The following RAB8B variants were observed in gnomAD, a reference collection of about 807,000 sequenced individuals.
The protein encoded by RAB8B is RAB8B, member RAS oncogene family, also known as ras-related protein Rab-8B.
In RAB8B, 11 loss-of-function variants were observed where a neutral mutation model predicts 32.0. That is an observed-to-expected ratio of 0.34 (90% CI 0.22 to 0.57). RAB8B has a LOEUF of 0.57. Ranked by LOEUF, RAB8B falls within the 20% of genes least tolerant of loss-of-function variation. The pLI is 0.86. For synonymous variants in RAB8B, 103 were observed against 89.6 expected, an observed-to-expected ratio of 1.15 and a Z score of -0.85; for missense variants, 190 against 258.5, an observed-to-expected ratio of 0.73 and a Z score of 1.82.
At chr15:63,242,994 C>G (rs1022524412) in intron 1 of RAB8B, among the ~76,000 whole-genome samples, 1 of 152,182 alleles carries the variant, frequency 6.6e-6, no homozygotes, top group African/African-American at 2.4e-5. Context: ...GTAGAATCAG[C>G]GGGAGCTGTG....
intron 2 of RAB8B, among the ~76,000 whole-genome samples, chr15:63,246,319 C>T (rs2038071899): frequency 6.6e-6 from 1 of 152,130 alleles, no homozygotes; most frequent in Admixed American, 6.5e-5. Context: ...TTTGGATTTT[C>T]AGATTAGGGA....
At chr15:63,190,137 A>G (rs1458626292) in intron 1 of RAB8B, among the ~76,000 whole-genome samples, 1 of 149,622 alleles carries the variant, frequency 6.7e-6, no homozygotes, top group Non-Finnish European at 1.5e-5. Flanking sequence ...GCCAATGATT[A>G]AAAGACAGGA....
intron 1 of RAB8B, among the ~76,000 whole-genome samples, chr15:63,200,272 A>G (rs2141108908): frequency 6.6e-6 from 1 of 152,362 alleles, no homozygotes; most frequent in Non-Finnish European, 1.5e-5. Flanking sequence ...AAGAAGTAGC[A>G]TTAGTTAATT....
At chr15:63,198,838 G>T (rs952312506) in intron 1 of RAB8B, among the ~76,000 whole-genome samples, 1 of 152,086 alleles carries the variant, frequency 6.6e-6, no homozygotes, top group African/African-American at 2.4e-5. Context: ...ATCTGGAATG[G>T]ATATTGCAGC....
intron 1 of RAB8B, among the ~76,000 whole-genome samples, chr15:63,227,940 CTTTTCTTCCTTTTCTCTTTCCTTTT>C (rs1165731425): frequency 1.3e-5 from 2 of 150,886 alleles, no homozygotes; most frequent in East Asian, 3.9e-4. Flanking sequence ...CCTTTCCTTT[CTTTTCTTCCTTTTCTCTTTCCTTTT>C]CTTCCTTTCC....
At chr15:63,195,442 C>T (rs990044388) in intron 1 of RAB8B, among the ~76,000 whole-genome samples, 1 of 152,188 alleles carries the variant, frequency 6.6e-6, no homozygotes, top group African/African-American at 2.4e-5. Context: ...GTTCTGCAGG[C>T]AGCAAGTCAG....
At chr15:63,231,091 G>C (rs973829322) in intron 1 of RAB8B, among the ~76,000 whole-genome samples, 1 of 152,132 alleles carries the variant, frequency 6.6e-6, no homozygotes, top group African/African-American at 2.4e-5. Flanking sequence ...AGTGACTTGG[G>C]AATTTTCCTG....
At chr15:63,238,005 T>C (rs1254271580) in intron 1 of RAB8B, among the ~76,000 whole-genome samples, 1 of 152,132 alleles carries the variant, frequency 6.6e-6, no homozygotes, top group African/African-American at 2.4e-5. Context: ...TTTCCCCCAA[T>C]GTATGTACTT....
intron 1 of RAB8B, among the ~76,000 whole-genome samples, chr15:63,225,999 C>G (rs1182447780): frequency 6.6e-6 from 1 of 152,038 alleles, no homozygotes; most frequent in Admixed American, 6.6e-5. Flanking sequence ...TGCCACCATG[C>G]CTGGCTCATT....
chr15:63,213,235 C>A (rs2037761981), intron 1 of RAB8B, among the ~76,000 whole-genome samples: 1 of 152,194 alleles, frequency 6.6e-6, no homozygotes, highest in South Asian at 2.1e-4. Flanking sequence ...TTTCTGACTT[C>A]TTCCTTCAAA....
chr15:63,224,102 A>G (rs2037869965), intron 1 of RAB8B: 1 of 156,336 alleles, frequency 6.4e-6, no homozygotes, highest in Non-Finnish European at 1.4e-5. Flanking sequence ...TATTCAAGTG[A>G]TGCACGGAGC....
At chr15:63,218,771 A>G (rs1443492621) in intron 1 of RAB8B, among the ~76,000 whole-genome samples, 1 of 152,116 alleles carries the variant, frequency 6.6e-6, no homozygotes, top group African/African-American at 2.4e-5. Flanking sequence ...AATATTGGGC[A>G]TGTTGCTCAA....
intron 5 of RAB8B, among the ~76,000 whole-genome samples, chr15:63,257,227 T>C (rs887331092): frequency 2.0e-5 from 3 of 152,016 alleles, no homozygotes; most frequent in Non-Finnish European, 4.4e-5. Flanking sequence ...CTTTAGCCTT[T>C]AAAAAAATTA....
intron 1 of RAB8B, among the ~76,000 whole-genome samples, chr15:63,197,392 A>AGTGTTTTTTTTTTTTG (rs2037611982): frequency 9.8e-6 from 1 of 102,260 alleles, no homozygotes; most frequent in African/African-American, 4.0e-5. Context: ...TTTTTTTTTT[A>AGTGTTTTTTTTTTTTG]AGACAGAGTC....
At chr15:63,231,614 AATAATAGAGGTTC>A (rs2037937863) in intron 1 of RAB8B, among the ~76,000 whole-genome samples, 1 of 152,156 alleles carries the variant, frequency 6.6e-6, no homozygotes, top group Non-Finnish European at 1.5e-5. Flanking sequence ...AGGTTTAGGA[AATAATAGAGGTTC>A]ATACTCGAGG....
At chr15:63,202,834 C>T (rs1299608910) in intron 1 of RAB8B, among the ~76,000 whole-genome samples, 1 of 152,190 alleles carries the variant, frequency 6.6e-6, no homozygotes. Context: ...AGATGAACAC[C>T]TGATTTGTTT....
At chr15:63,213,145 C>A (rs536864715) in intron 1 of RAB8B, among the ~76,000 whole-genome samples, 2 of 152,244 alleles carry the variant, frequency 1.3e-5, no homozygotes, top group African/African-American at 4.8e-5. Flanking sequence ...ACAATTTCAG[C>A]TTGTACACAG....
intron 5 of RAB8B, 128 bp downstream of exon 5, chr15:63,256,722 C>T (rs1167503380): frequency 4.5e-6 from 3 of 670,668 alleles, no homozygotes; most frequent in South Asian, 3.9e-5. Context: ...ATATCAACAA[C>T]AAAGAGATGT....
intron 1 of RAB8B, among the ~76,000 whole-genome samples, chr15:63,241,924 C>G (rs1476252118): frequency 1.3e-5 from 2 of 151,818 alleles, no homozygotes; most frequent in African/African-American, 4.8e-5. Context: ...AATATTTATG[C>G]TGAGTTGCTG....
Sources: allele counts gnomAD v4.1 joint callset (sites outside exome capture counted in the v4.1 genomes callset), GRCh38; gene constraint gnomAD v4.1.1; transcripts MANE v1.5; gene names NCBI Gene and HGNC (gene_info 2026-07-23, HGNC 2026-07-21).